The following TENM1 variants were observed in gnomAD, a reference collection of about 807,000 sequenced individuals.
TENM1 encodes the protein teneurin transmembrane protein 1.
A neutral mutation model predicts 174.8 loss-of-function variants in TENM1; 35 were observed. That is an observed-to-expected ratio of 0.20 (90% CI 0.15 to 0.27). TENM1 has a LOEUF of 0.27. Ranked by LOEUF, TENM1 falls within the 10% of genes least tolerant of loss-of-function variation. The pLI, the probability that TENM1 is intolerant of heterozygous loss-of-function variation, is 1.00. For missense variants in TENM1, 1,633 were observed against 2,130.1 expected (o/e 0.77, Z 4.59); for synonymous variants, 781 against 798.7 (o/e 0.98, Z 0.37).
the TENM1 span, among the ~76,000 whole-genome samples, chrX:125,050,219 G>A: frequency 2.7e-5 from 3 of 109,240 alleles, no homozygotes; most frequent in African/African-American, 6.7e-5. Context: ...GTGCAGGTTA[G>A]TTACATATGT....
intron 15 of TENM1, among the ~76,000 whole-genome samples, chrX:124,537,431 GA>G (rs959413083): frequency 2.7e-4 from 30 of 111,740 alleles, no homozygotes; most frequent in Non-Finnish European, 7.5e-5. Flanking sequence ...CAGACTCAGA[GA>G]AGTTAAAAGT....
the TENM1 span, among the ~76,000 whole-genome samples, chrX:125,166,225 C>T: frequency 1.2e-3 from 135 of 111,424 alleles, no homozygotes; most frequent in African/African-American, 4.1e-3. Flanking sequence ...TGATCATTTA[C>T]AAAATTTAAG....
intron 5 of TENM1, among the ~76,000 whole-genome samples, chrX:124,686,161 G>A (rs907384636): frequency 2.8e-4 from 31 of 109,959 alleles, no homozygotes; most frequent in Non-Finnish European, 4.7e-4. Context: ...TGGATTTCTC[G>A]GCAGAAACTC....
chrX:125,024,385 C>A, the TENM1 span, among the ~76,000 whole-genome samples: 11 of 105,593 alleles, frequency 1.0e-4, no homozygotes, highest in South Asian at 1.2e-3. Flanking sequence ...CACACACACA[C>A]CACACACACA....
chrX:124,750,352 G>C (rs994514126), intron 3 of TENM1, among the ~76,000 whole-genome samples: 3 of 111,378 alleles, frequency 2.7e-5, no homozygotes, highest in Non-Finnish European at 3.8e-5. Flanking sequence ...AATCAAATTA[G>C]AGACTTTTTA....
intron 4 of TENM1, among the ~76,000 whole-genome samples, chrX:124,714,066 A>G (rs1263218146): frequency 8.9e-6 from 1 of 111,970 alleles, no homozygotes; most frequent in East Asian, 2.8e-4. Context: ...CTGAACATCT[A>G]TTATGTGCCA....
chrX:124,709,721 TAG>T, intron 4 of TENM1, among the ~76,000 whole-genome samples: 1 of 111,022 alleles, frequency 9.0e-6, no homozygotes, highest in African/African-American at 3.3e-5. Flanking sequence ...TTCACCAGAT[TAG>T]CATCAGGTTC....
intron 22 of TENM1, among the ~76,000 whole-genome samples, chrX:124,463,594 T>C (rs2061204084): frequency 9.0e-6 from 1 of 111,112 alleles, no homozygotes; most frequent in Non-Finnish European, 1.9e-5. Context: ...AATTCAGTAG[T>C]TGAAAACAGT....
intron 26 of TENM1, among the ~76,000 whole-genome samples, chrX:124,405,879 T>G (rs1305031630): frequency 9.2e-6 from 1 of 109,189 alleles, no homozygotes; most frequent in Non-Finnish European, 1.9e-5. Flanking sequence ...TCTTCAAATA[T>G]AATGAGTTTT....
At chrX:124,887,611 T>C (rs1251372463) in intron 3 of TENM1, among the ~76,000 whole-genome samples, 1 of 111,812 alleles carries the variant, frequency 8.9e-6, no homozygotes, top group Non-Finnish European at 1.9e-5. Context: ...ACCTTGATAA[T>C]GGCTTGAAAT....
At chrX:124,730,180 T>C (rs936717014) in intron 4 of TENM1, among the ~76,000 whole-genome samples, 1 of 111,556 alleles carries the variant, frequency 9.0e-6, no homozygotes. Flanking sequence ...AAGTGTATTC[T>C]ATTTAAAAGC....
At chrX:124,442,154 A>G in intron 23 of TENM1, among the ~76,000 whole-genome samples, 1 of 112,476 alleles carries the variant, frequency 8.9e-6, no homozygotes, top group South Asian at 3.7e-4. Flanking sequence ...TGTCTGAATT[A>G]TCTGGAGTGT....
At chrX:125,187,817 A>G in the TENM1 span, among the ~76,000 whole-genome samples, 2 of 111,378 alleles carry the variant, frequency 1.8e-5, no homozygotes, top group East Asian at 5.6e-4. Flanking sequence ...CATATCTGAT[A>G]TATTTTATTC....
the TENM1 span, among the ~76,000 whole-genome samples, chrX:125,053,639 C>T: frequency 9.0e-6 from 1 of 111,472 alleles, no homozygotes; most frequent in African/African-American, 3.3e-5. Context: ...TTTTATTTTG[C>T]CTGCTGTATC....
chrX:124,877,141 C>G (rs1043113720), intron 3 of TENM1, among the ~76,000 whole-genome samples: 2 of 111,934 alleles, frequency 1.8e-5, no homozygotes, highest in African/African-American at 6.5e-5. Flanking sequence ...GGTGATCATA[C>G]AGAGGAAAAA....
intron 11 of TENM1, among the ~76,000 whole-genome samples, chrX:124,637,119 C>T (rs746814775): frequency 1.0e-5 from 1 of 99,806 alleles, no homozygotes; most frequent in Non-Finnish European, 2.0e-5. Context: ...GACGGAGTTT[C>T]GCTCTTGTTG....
chrX:125,001,808 T>C, the TENM1 span, among the ~76,000 whole-genome samples: 1 of 108,484 alleles, frequency 9.2e-6, no homozygotes, highest in Non-Finnish European at 1.9e-5. Flanking sequence ...TCTCTACCTC[T>C]AGTACAACAG....
At chrX:124,974,777 G>A in the TENM1 span, among the ~76,000 whole-genome samples, 1 of 104,823 alleles carries the variant, frequency 9.5e-6, no homozygotes, top group African/African-American at 3.5e-5. Flanking sequence ...AATTATTTTG[G>A]AGGCTTACTC....
chrX:124,401,600 C>T (rs373260427), intron 27 of TENM1, among the ~76,000 whole-genome samples: 2 of 112,058 alleles, frequency 1.8e-5, no homozygotes, highest in Admixed American at 9.5e-5. Context: ...AAATTGGCAT[C>T]AGCTTGTCCC....
Sources: allele counts gnomAD v4.1 joint callset (sites outside exome capture counted in the v4.1 genomes callset), GRCh38; gene constraint gnomAD v4.1.1; transcripts MANE v1.5; gene names NCBI Gene and HGNC (gene_info 2026-07-23, HGNC 2026-07-21).